Variants in EME1 observed in about 807,000 individuals in gnomAD.
EME1 encodes the protein structure-specific endonuclease subunit EME1.
Under a neutral mutation model 59.1 loss-of-function variants are expected in EME1, and 61 were observed. The ratio of observed to expected loss-of-function variants is 1.03; its 90% CI spans 0.84 to 1.28. The LOEUF is 1.28. Among genes scored for constraint, EME1 ranks in the 50% most tolerant of loss-of-function variants. The pLI, the probability that EME1 is intolerant of heterozygous loss-of-function variation, is 0.00. For missense variants in EME1, 635 were observed against 682.6 expected, an observed-to-expected ratio of 0.93 and a Z score of 0.78; for synonymous variants, 230 against 254.2, an observed-to-expected ratio of 0.90 and a Z score of 0.90.
Position 50,375,309 on chromosome 17 carries a change from AGAG to A in EME1, c.105_107del (p.Arg36del), listed in dbSNP as rs1913397204. On this transcript the variant is annotated inframe_deletion, in exon 2 of 9. Transcript: ENST00000338165. The stretch of plus-strand genomic sequence containing the variant: ...CTGAAGAAGGAACCATCTTCAACAA[AGAG>A]GAGACAGCCTGAAAGGGAAGAGAAG... 6.2e-7 allele frequency: 1 copy of A among 1,614,086 alleles called. No homozygotes were observed. The highest frequency in any genetic ancestry group is 1.3e-5 in the African/African-American group (1 of 74,938).
intron 3 of EME1, 102 bp from the exon 4 acceptor site, chr17:50,378,493 G>C: frequency 9.4e-7 from 1 of 1,058,280 alleles, no homozygotes; most frequent in Non-Finnish European, 1.5e-6. Flanking sequence ...ATGCATAAGG[G>C]GTGGGAGTTA....
chr17:50,378,985 C>A, intron 5 of EME1, 90 bp downstream of exon 5: 6 of 1,610,656 alleles, frequency 3.7e-6, no homozygotes, highest in Non-Finnish European at 4.2e-6. Flanking sequence ...AGATGTAGGT[C>A]ACTCTGCAAG....
Position 50,375,321 on chromosome 17 carries a change from C to A in EME1, c.113C>A (p.Pro38His), listed in dbSNP as rs1451493507. ...CCATCTTCAACAAAGAGGAGACAGC[C>A]TGAAAGGGAAGAGAAGATTGTAGTG... ...KEPSSTKRRQ[P>H]EREEKIVVVD... The change falls in exon 2 of 9, where the codon CCT becomes CAT. Residue 38 changes from proline to histidine, a missense_variant. Pro to His is a moderately conservative substitution (Grantham distance 77). Transcript: ENST00000338165. 4 of 1,614,046 alleles carry A rather than the reference C, an allele frequency of 2.5e-6. No individual in the cohort carries two copies. The highest frequency in any genetic ancestry group is 3.4e-6 in the Non-Finnish European group (4 of 1,180,026).
In EME1 at chr17:50,380,945, GC is replaced by G; in HGVS notation, c.*9del. On this transcript the variant is annotated 3_prime_UTR_variant, in exon 9 of 9. Coordinates refer to ENST00000338165, the MANE Select transcript of EME1 (RefSeq NM_152463.4). ...CTTTAGATAGTGCTGACTGATTCTA[GC>G]CCTCAGGGATGAGGATGAAAAGCTG... 1.2e-6 allele frequency: 2 copies of G among 1,613,680 alleles called. No individual in the cohort carries two copies. Among genetic ancestry groups the G allele is most frequent in the Non-Finnish European group, 1.7e-6 (2 of 1,179,744 alleles).
Position 50,378,861 on chromosome 17 carries a change from T to C in EME1, c.1078T>C (p.Ser360Pro). Residue 360 changes from serine to proline, a missense_variant, in exon 5 of 9, where the codon TCA becomes CCA. Coordinates refer to ENST00000338165, the MANE Select transcript of EME1 (RefSeq NM_152463.4). Reference sequence around the variant, plus strand: ...AGCAAAGACAGCAGGGAAAGCTCTGTCACTGGTGATTGTGGATCAGGAGAA... The same window carrying C: ...AGCAAAGACAGCAGGGAAAGCTCTGCCACTGGTGATTGTGGATCAGGAGAA... ...ITAKTAGKAL[S>P]LVIVDQEKCF... The C allele has an allele frequency of 1.2e-6, 2 of 1,614,204 alleles. No homozygotes were observed. Among genetic ancestry groups the C allele is most frequent in the African/African-American group, 1.3e-5 (1 of 75,056 alleles).
At position 50,380,793 on chromosome 17, in the gene EME1, C is replaced by T. The variant is rs778375819; in HGVS notation, c.1567C>T (p.Arg523Cys). 25 of 1,614,078 alleles carry T rather than the reference C, an allele frequency of 1.5e-5. No homozygotes were observed. Among genetic ancestry groups the T allele is most frequent in the Non-Finnish European group, 2.0e-5 (24 of 1,180,050 alleles). Residue 523 changes from arginine (R) to cysteine (C), a missense_variant, in exon 9 of 9, where the codon CGC becomes TGC. Transcript: ENST00000338165. ...AYQQCFSDKE[R>C]QNLLADIQVR... ...TCAGCAGTGTTTTTCGGATAAAGAA[C>T]GCCAGAATTTGCTCGCAGACATACA...
rs9896405 is a variant in EME1 at position 50,375,353 on chromosome 17, A to G, written c.145A>G (p.Ile49Val). 12,672 of 1,614,158 alleles carry G rather than the reference A, an allele frequency of 7.9e-3. 915 individuals carry two copies. In the African/African-American group the frequency reaches 0.15, roughly 19 times the overall value. Reference sequence around the variant, plus strand: ...GGAAGAGAAGATTGTAGTGGTTGACATCTCAGATTGTGAAGCCTCCTGTCC... The same window carrying G: ...GGAAGAGAAGATTGTAGTGGTTGACGTCTCAGATTGTGAAGCCTCCTGTCC... ...EREEKIVVVD[I>V]SDCEASCPPA... Residue 49 changes from isoleucine to valine, a missense_variant, in exon 2 of 9, where the codon ATC (isoleucine) becomes GTC (valine). Physicochemically the swap from Ile to Val is conservative, Grantham distance 29. Coordinates refer to ENST00000338165, the MANE Select transcript of EME1 (RefSeq NM_152463.4).
At chr17:50,376,241 T>TA in intron 3 of EME1, 48 bp downstream of exon 3, 1 of 1,598,804 alleles carries the variant, frequency 6.3e-7, no homozygotes, top group Non-Finnish European at 8.6e-7. Flanking sequence ...CCCTTACAAT[T>TA]ACAGGATAAA....
rs374946869 is a variant in EME1 at position 50,380,856 on chromosome 17, C to T, written c.1630C>T (p.Arg544Cys). ...RGEGVTSTSR[R>C]IGPELSRRIY... Reference sequence around the variant, plus strand: ...GGAAGGTGTGACATCCACTTCTCGCCGCATTGGACCAGAACTATCCAGGCG... The same window carrying T: ...GGAAGGTGTGACATCCACTTCTCGCTGCATTGGACCAGAACTATCCAGGCG... Residue 544 changes from arginine (R) to cysteine (C), a missense_variant, in exon 9 of 9, where the codon CGC (arginine) becomes TGC (cysteine). Transcript: ENST00000338165. 23 of 1,614,086 alleles carry T rather than the reference C, an allele frequency of 1.4e-5. 1 individual carries two copies. Among genetic ancestry groups the T allele is most frequent in the Middle Eastern group, 1.6e-4 (1 of 6,084 alleles).
intron 1 of EME1, 84 bp downstream of exon 1, chr17:50,373,361 G>A (rs1252088381): frequency 1.4e-6 from 1 of 735,746 alleles, no homozygotes; most frequent in South Asian, 1.8e-5. Flanking sequence ...TGGCTAAGGT[G>A]TCCAGGAGCC....
intron 7 of EME1, chr17:50,379,812 A>G: frequency 2.2e-6 from 1 of 465,100 alleles, no homozygotes. Context: ...ATCATAGGCC[A>G]GGTTACCATA....
Position 50,375,437 on chromosome 17 carries a change from A to G in EME1, c.229A>G (p.Thr77Ala). 1.2e-6 allele frequency: 2 copies of G among 1,614,214 alleles called. No individual in the cohort carries two copies. Among genetic ancestry groups the G allele is most frequent in the Non-Finnish European group, 1.7e-6 (2 of 1,180,038 alleles). ...AGAAATAGCTGAAACTGTCACACAA[A>G]CACAGCCAGTCAGGTTGCTAAGCAG... Reference protein sequence around the residue: ...VPEIAETVTQTQPVRLLSSES... With the variant: ...VPEIAETVTQAQPVRLLSSES... The change falls in exon 2 of 9, where the codon ACA becomes GCA. Residue 77 changes from threonine to alanine, a missense_variant. Coordinates refer to ENST00000338165, the MANE Select transcript of EME1 (RefSeq NM_152463.4).
intron 1 of EME1, among the ~76,000 whole-genome samples, chr17:50,373,959 C>G (rs1913295476): frequency 6.6e-6 from 1 of 152,176 alleles, no homozygotes. Flanking sequence ...ACCTTGAAAA[C>G]AAGCTGAGTG....
Position 50,380,808 on chromosome 17 carries a change from GCAGA to G in EME1, c.1585_1588del (p.Asp529TyrfsTer9), listed in dbSNP as rs775453974. On this transcript the variant is annotated frameshift_variant, in exon 9 of 9. Coordinates refer to ENST00000338165, the MANE Select transcript of EME1 (RefSeq NM_152463.4). LOFTEE classifies it high-confidence loss of function. ...GGATAAAGAACGCCAGAATTTGCTC[GCAGA>G]CATACAGGTGCGCCGTGGGGAAGGT... 46 of 1,614,076 alleles carry G rather than the reference GCAGA, an allele frequency of 2.8e-5. 1 individual carries two copies. The highest frequency in any genetic ancestry group is 2.7e-4 in the South Asian group (25 of 91,096).
At chr17:50,378,933 C>T (rs1476047964) in intron 5 of EME1, 38 bp downstream of exon 5, 1 of 1,613,882 alleles carries the variant, frequency 6.2e-7, no homozygotes, top group Non-Finnish European at 8.5e-7. Flanking sequence ...TTAAAAGGGG[C>T]AGCTCTTGGG....
At chr17:50,373,691 T>A (rs1455747006) in intron 1 of EME1, among the ~76,000 whole-genome samples, 3 of 152,238 alleles carry the variant, frequency 2.0e-5, no homozygotes, top group Non-Finnish European at 1.5e-5. Flanking sequence ...TTAGTAAATG[T>A]TCAAGAAATG....
At position 50,376,662 on chromosome 17, in the gene EME1, G is replaced by A. The variant is rs75483547; in HGVS notation, c.903+469G>A. On this transcript the variant is annotated intron_variant, in intron 3 of 8. Transcript: ENST00000338165. The stretch of plus-strand genomic sequence containing the variant: ...CTGTTACCATCCCTATGCCTGAAGG[G>A]ATGAGGGGAAGGAGTGGTTAACAGA... Among the ~76,000 whole-genome samples the A allele has an allele frequency of 3.1e-3, 474 of 152,340 alleles. 5 individuals carry two copies. The highest frequency in any genetic ancestry group is 0.011 in the African/African-American group (461 of 41,584).
intron 6 of EME1, 86 bp from the exon 7 acceptor site, chr17:50,379,366 G>A: frequency 6.3e-7 from 1 of 1,585,780 alleles, no homozygotes. Context: ...GGAAGCCAAG[G>A]GGCTGGGGTG....
In EME1 at chr17:50,380,354, TGACTGGGCTGGAGGGGTGAAGGTG is replaced by T. The variant is rs745883160; in HGVS notation, c.1393_1416del (p.Trp465_Asp472del). ...CTACCTTCTCCTTCTGTCTGGAGAG[TGACTGGGCTGGAGGGGTGAAGGTG>T]GACCTTGCTGGCAGGGGACTCGCAC... is the stretch of plus-strand genomic sequence containing the variant. On this transcript the variant is annotated inframe_deletion, in exon 8 of 9. Coordinates refer to ENST00000338165, the MANE Select transcript of EME1 (RefSeq NM_152463.4). 3.1e-6 allele frequency: 5 copies of T among 1,612,962 alleles called. No individual in the cohort carries two copies. The highest frequency in any genetic ancestry group is 4.2e-6 in the Non-Finnish European group (5 of 1,179,552).
Sources: allele counts gnomAD v4.1 joint callset (sites outside exome capture counted in the v4.1 genomes callset), GRCh38; gene constraint gnomAD v4.1.1; transcripts MANE v1.5; gene names NCBI Gene and HGNC (gene_info 2026-07-23, HGNC 2026-07-21).